RARB: variants seen among roughly 807,000 people sequenced by gnomAD.
The protein encoded by RARB is HBV-activated protein.
In RARB, 17 loss-of-function variants were observed where a neutral mutation model predicts 51.9. That is an observed-to-expected ratio of 0.33 (90% CI 0.22 to 0.49). The LOEUF is 0.49. RARB is among the 20% of genes least tolerant of loss of function. The pLI is 0.99. For missense variants in RARB, 369 were observed against 550.8 expected, an observed-to-expected ratio of 0.67 and a Z score of 3.30; for synonymous variants, 215 against 195.4, an observed-to-expected ratio of 1.10 and a Z score of -0.84.
chr3:25,272,378 T>A (rs188239573), intron 5 of RARB, among the ~76,000 whole-genome samples: 1 of 152,096 alleles, frequency 6.6e-6, no homozygotes, highest in Non-Finnish European at 1.5e-5. Flanking sequence ...CCAAACAAAG[T>A]CTTGTGGTCT....
intron 5 of RARB, among the ~76,000 whole-genome samples, chr3:25,328,172 A>G (rs2125443385): frequency 6.6e-6 from 1 of 152,242 alleles, no homozygotes; most frequent in East Asian, 1.9e-4. Context: ...AAGGAATGGC[A>G]ATACAAGATA....
At chr3:25,153,169 C>A (rs556047904) in intron 4 of RARB, among the ~76,000 whole-genome samples, 1 of 151,400 alleles carries the variant, frequency 6.6e-6, no homozygotes, top group South Asian at 2.1e-4. Flanking sequence ...TGCATGCGTG[C>A]GTGCATGCTT....
intron 5 of RARB, among the ~76,000 whole-genome samples, chr3:25,411,115 CT>C (rs1330734896): frequency 1.3e-5 from 2 of 152,016 alleles, no homozygotes; most frequent in African/African-American, 2.4e-5. Flanking sequence ...TGTAATCTAC[CT>C]TTTTTTAAAT....
intron 2 of RARB, among the ~76,000 whole-genome samples, chr3:24,926,461 C>T (rs1421345166): frequency 6.6e-6 from 1 of 152,066 alleles, no homozygotes; most frequent in South Asian, 2.1e-4. Flanking sequence ...CCCGCAAATA[C>T]ATCTGAGTTG....
chr3:25,580,565 G>A lies in RARB; in HGVS notation c.629G>A (p.Arg210Gln). Residue 210 changes from arginine (R) to glutamine (Q), a missense_variant, in exon 5 of 8, where the codon CGA becomes CAA. Transcript: ENST00000330688. ...TCCTAGAATTCCAGTGCTGACCATC[G>A]AGTCCGACTGGACCTGGGCCTCTGG... ...KYTTNSSADH[R>Q]VRLDLGLWDK... is the part of the protein sequence containing the mutation. 1.3e-6 allele frequency: 2 copies of A among 1,594,542 alleles called. No homozygotes were observed. The highest frequency in any genetic ancestry group is 1.7e-6 in the Non-Finnish European group (2 of 1,164,830).
At chr3:25,368,160 T>C (rs955751117) in intron 5 of RARB, among the ~76,000 whole-genome samples, 1 of 152,190 alleles carries the variant, frequency 6.6e-6, no homozygotes, top group Non-Finnish European at 1.5e-5. Flanking sequence ...ATAGTTGTTT[T>C]TCCTTTTTAA....
chr3:25,204,102 A>G (rs996404539), intron 5 of RARB, among the ~76,000 whole-genome samples: 11 of 152,104 alleles, frequency 7.2e-5, no homozygotes, highest in Admixed American at 3.9e-4. Flanking sequence ...ACATAGTCCC[A>G]TATTTCTTGG....
At chr3:24,899,744 C>T (rs1024926343) in intron 2 of RARB, among the ~76,000 whole-genome samples, 4 of 152,178 alleles carry the variant, frequency 2.6e-5, no homozygotes, top group South Asian at 2.1e-4. Context: ...GAAATCTCAA[C>T]TCCCTCCTTA....
intron 3 of RARB, among the ~76,000 whole-genome samples, chr3:25,076,148 T>TTA (rs552125124): frequency 0.028 from 489 of 17,518 alleles, 6 homozygotes; most frequent in South Asian, 0.09. Context: ...AGTTATTTAT[T>TTA]TTTTTTTTTT....
In RARB at chr3:24,944,219, G is replaced by A. The variant is rs187897134; in HGVS notation, c.-380+85467G>A. Among the ~76,000 whole-genome samples the A allele has an allele frequency of 3.9e-5, 6 of 152,252 alleles. No homozygotes were observed. In the East Asian group the frequency reaches 1.2e-3, roughly 29 times the overall value. ...TTTCTCTCACTCACGGGCTTCTTGAGGTTTATCTGTCTGGCCTTCTCATTT... is the reference window on the plus strand; with the variant it reads ...TTTCTCTCACTCACGGGCTTCTTGAAGTTTATCTGTCTGGCCTTCTCATTT... On this transcript the variant is annotated intron_variant, in intron 2 of 11. Coordinates refer to the RARB transcript ENST00000383772.
intron 5 of RARB, among the ~76,000 whole-genome samples, chr3:25,422,608 C>A (rs1707890125): frequency 6.6e-6 from 1 of 151,886 alleles, no homozygotes; most frequent in African/African-American, 2.4e-5. Flanking sequence ...AAAACTCCTT[C>A]TTATGGAAGG....
intron 5 of RARB, among the ~76,000 whole-genome samples, chr3:25,225,745 A>G (rs1406295038): frequency 6.6e-6 from 1 of 152,198 alleles, no homozygotes; most frequent in Non-Finnish European, 1.5e-5. Flanking sequence ...TGTGATGGAG[A>G]TAACCAACAC....
intron 3 of RARB, among the ~76,000 whole-genome samples, chr3:25,094,716 C>CAAAAAAAAAAAAAAAAAAAAAAAAA (rs57477720): frequency 2.3e-5 from 1 of 43,092 alleles, no homozygotes. Context: ...GACCCCATCT[C>CAAAAAAAAAAAAAAAAAAAAAAAAA]AAAAAAAAAA....
intron 3 of RARB, among the ~76,000 whole-genome samples, chr3:25,102,766 T>C (rs1699428688): frequency 6.6e-6 from 1 of 151,850 alleles, no homozygotes; most frequent in Admixed American, 6.6e-5. Flanking sequence ...AAAGAACTGC[T>C]TCATGCTGGG....
chr3:24,930,302 A>AT (rs1695411414), intron 2 of RARB, among the ~76,000 whole-genome samples: 1 of 151,882 alleles, frequency 6.6e-6, no homozygotes. Flanking sequence ...AGGGAAGTGG[A>AT]TTAGAGGTGG....
At chr3:25,118,606 G>C (rs1318400615) in intron 3 of RARB, among the ~76,000 whole-genome samples, 1 of 152,118 alleles carries the variant, frequency 6.6e-6, no homozygotes, top group Non-Finnish European at 1.5e-5. Context: ...GAAGTACATG[G>C]AGGATAGCTG....
intron 2 of RARB, among the ~76,000 whole-genome samples, chr3:25,491,491 AAG>A (rs1696733952): frequency 6.6e-6 from 1 of 152,186 alleles, no homozygotes; most frequent in Non-Finnish European, 1.5e-5. Context: ...ACCAGAAGAG[AAG>A]AGAGACTATC....
At chr3:25,494,253 G>GCACGCACA (rs1553623182) in intron 2 of RARB, among the ~76,000 whole-genome samples, 5 of 131,850 alleles carry the variant, frequency 3.8e-5, no homozygotes, top group African/African-American at 1.3e-4. Flanking sequence ...TGTATCTTAC[G>GCACGCACA]CACACACACA....
At chr3:25,111,472 T>C (rs559268116) in intron 3 of RARB, among the ~76,000 whole-genome samples, 1 of 152,180 alleles carries the variant, frequency 6.6e-6, no homozygotes, top group African/African-American at 2.4e-5. Context: ...TAAAATCATT[T>C]CTGAAATGCC....
Sources: gnomAD v4.1 joint callset for allele counts (sites outside exome capture counted in the v4.1 genomes callset) on GRCh38, gnomAD v4.1.1 for gene constraint, MANE v1.5 for transcripts, NCBI Gene and HGNC (gene_info 2026-07-23, HGNC 2026-07-21) for gene names.